Variants in LRP1B observed in about 807,000 individuals in gnomAD.
LRP1B encodes LDL receptor related protein 1B.
LRP1B carries 217 observed loss-of-function variants against 556.6 expected under a neutral mutation model. The ratio of observed to expected loss-of-function variants is 0.39; its 90% confidence interval spans 0.35 to 0.44. The LOEUF is 0.44. Among genes scored for constraint, LRP1B ranks in the 20% least tolerant of loss-of-function variants. LRP1B has a pLI of 1.00. For synonymous variants in LRP1B, 2,047 were observed against 1,865.8 expected (o/e 1.10, Z -2.50); for missense variants, 5,053 against 5,620.8 (o/e 0.90, Z 3.23).
At chr2:141,203,479 A>T (rs1682132578) in intron 6 of LRP1B, among the ~76,000 whole-genome samples, 1 of 152,202 alleles carries the variant, frequency 6.6e-6, no homozygotes, top group Admixed American at 6.5e-5. Flanking sequence ...CAGCAAGAAG[A>T]GCTAACTATC....
chr2:141,346,057 TA>T (rs1178845338), intron 3 of LRP1B, among the ~76,000 whole-genome samples: 2 of 152,026 alleles, frequency 1.3e-5, no homozygotes, highest in African/African-American at 4.8e-5. Flanking sequence ...TGTTTCAGGA[TA>T]GTAATATATA....
At chr2:140,739,058 T>C (rs1184126927) in intron 35 of LRP1B, among the ~76,000 whole-genome samples, 1 of 152,186 alleles carries the variant, frequency 6.6e-6, no homozygotes, top group African/African-American at 2.4e-5. Flanking sequence ...ACATTCCCCA[T>C]TAAGCTTCCC....
At chr2:140,890,602 C>G (rs1405150191) in intron 23 of LRP1B, among the ~76,000 whole-genome samples, 1 of 151,792 alleles carries the variant, frequency 6.6e-6, no homozygotes, top group Non-Finnish European at 1.5e-5. Flanking sequence ...ACTAGTTTAC[C>G]AAAGATCAAA....
intron 83 of LRP1B, among the ~76,000 whole-genome samples, chr2:140,302,722 T>A (rs2105010534): frequency 6.6e-6 from 1 of 152,102 alleles, no homozygotes; most frequent in South Asian, 2.1e-4. Flanking sequence ...TGAATTCTCT[T>A]TCTTGATCTG....
At chr2:140,596,821 A>G (rs757561336) in intron 43 of LRP1B, among the ~76,000 whole-genome samples, 8 of 152,146 alleles carry the variant, frequency 5.3e-5, no homozygotes, top group Non-Finnish European at 1.2e-4. Context: ...CTTCATCTGC[A>G]AATGGGGATC....
At chr2:140,713,810 C>G (rs530516241) in intron 37 of LRP1B, among the ~76,000 whole-genome samples, 2 of 151,980 alleles carry the variant, frequency 1.3e-5, no homozygotes, top group Non-Finnish European at 2.9e-5. Flanking sequence ...ATAATATATA[C>G]CTACCCCATC....
chr2:141,982,617 A>G (rs1477682737), intron 1 of LRP1B, among the ~76,000 whole-genome samples: 2 of 152,218 alleles, frequency 1.3e-5, no homozygotes, highest in African/African-American at 4.8e-5. Flanking sequence ...ATTCAGTGGG[A>G]AATATTGAAG....
At chr2:140,599,334 G>A (rs1433992406) in intron 42 of LRP1B, among the ~76,000 whole-genome samples, 1 of 152,004 alleles carries the variant, frequency 6.6e-6, no homozygotes, top group Non-Finnish European at 1.5e-5. Flanking sequence ...TTTGGAGAAA[G>A]AAAATTACTA....
intron 6 of LRP1B, among the ~76,000 whole-genome samples, chr2:141,228,730 T>C (rs1331767615): frequency 6.6e-6 from 1 of 152,120 alleles, no homozygotes. Context: ...GAAGAGGATG[T>C]ATAAAAATTA....
chr2:141,646,820 T>A (rs1439605168), intron 2 of LRP1B, among the ~76,000 whole-genome samples: 1 of 152,144 alleles, frequency 6.6e-6, no homozygotes, highest in Non-Finnish European at 1.5e-5. Flanking sequence ...AGAAGAACCA[T>A]CTCTATAAGA....
chr2:141,303,270 CTA>C (rs1473444892), intron 3 of LRP1B, among the ~76,000 whole-genome samples: 1 of 152,056 alleles, frequency 6.6e-6, no homozygotes, highest in Non-Finnish European at 1.5e-5. Context: ...CCTATCATTT[CTA>C]TGTGTTGAGA....
chr2:142,105,793 T>C (rs1381503031), intron 1 of LRP1B, among the ~76,000 whole-genome samples: 2 of 152,162 alleles, frequency 1.3e-5, no homozygotes, highest in Non-Finnish European at 2.9e-5. Flanking sequence ...TTAATATACG[T>C]ATTTTAGTAG....
chr2:142,005,866 C>A (rs1274706798), intron 1 of LRP1B, among the ~76,000 whole-genome samples: 2 of 147,586 alleles, frequency 1.4e-5, no homozygotes, highest in Non-Finnish European at 3.0e-5. Flanking sequence ...GTCTCCTCCT[C>A]TTTCTCTTTA....
At chr2:141,130,048 T>A (rs1207804896) in intron 7 of LRP1B, among the ~76,000 whole-genome samples, 1 of 151,986 alleles carries the variant, frequency 6.6e-6, no homozygotes, top group African/African-American at 2.4e-5. Context: ...ATTAAAGTAC[T>A]TCAAAAAATG....
At chr2:141,220,783 A>G (rs1372819783) in intron 6 of LRP1B, among the ~76,000 whole-genome samples, 1 of 151,920 alleles carries the variant, frequency 6.6e-6, no homozygotes, top group Non-Finnish European at 1.5e-5. Context: ...AAAAAAAAAA[A>G]AAAGAATTTC....
At chr2:140,634,696 C>T (rs1684010568) in intron 41 of LRP1B, among the ~76,000 whole-genome samples, 2 of 151,910 alleles carry the variant, frequency 1.3e-5, no homozygotes, top group Admixed American at 6.6e-5. Flanking sequence ...ATTAATAGCC[C>T]TAGTCTTAGC....
At chr2:141,274,391 A>T (rs113617396) in intron 3 of LRP1B, among the ~76,000 whole-genome samples, 1 of 152,222 alleles carries the variant, frequency 6.6e-6, no homozygotes, top group Admixed American at 6.5e-5. Flanking sequence ...ATAAAGTATG[A>T]TACAAGCTAC....
chr2:141,689,377 C>A (rs1418455038), intron 2 of LRP1B, among the ~76,000 whole-genome samples: 2 of 151,718 alleles, frequency 1.3e-5, no homozygotes, highest in African/African-American at 4.8e-5. Context: ...AATGGCATGG[C>A]TACACAAAAC....
intron 1 of LRP1B, 105 bp downstream of exon 1, chr2:142,130,543 G>C (rs1320931658): frequency 1.1e-6 from 1 of 928,366 alleles, no homozygotes; most frequent in Non-Finnish European, 1.6e-6. Flanking sequence ...GTCCCGGGGA[G>C]CGGAGCTGCA....
Sources: gnomAD v4.1 joint callset for allele counts (sites outside exome capture counted in the v4.1 genomes callset) on GRCh38, gnomAD v4.1.1 for gene constraint, MANE v1.5 for transcripts, NCBI Gene and HGNC (gene_info 2026-07-23, HGNC 2026-07-21) for gene names.